The following CACNA2D1 variants were observed in gnomAD, a reference collection of about 807,000 sequenced individuals.
CACNA2D1 encodes the protein calcium voltage-gated channel auxiliary subunit alpha2delta 1.
Under a neutral mutation model 171.5 loss-of-function variants are expected in CACNA2D1, and 53 were observed. The observed-to-expected ratio is 0.31, with a 90% CI of 0.25 to 0.39. The LOEUF (loss-of-function observed/expected upper bound fraction) is 0.39. Ranked by LOEUF, CACNA2D1 falls within the 10% of genes least tolerant of loss-of-function variation. CACNA2D1 has a pLI of 1.00. For missense variants in CACNA2D1, 903 were observed against 1,299.8 expected (o/e 0.69, Z 4.69); for synonymous variants, 442 against 443.1 (o/e 1.00, Z 0.03).
chr7:82,217,764 T>C (rs118050574), intron 3 of CACNA2D1, among the ~76,000 whole-genome samples: 4,042 of 151,150 alleles, frequency 0.027, 97 homozygotes, highest in Middle Eastern at 0.089. Flanking sequence ...AGGGGTAAAA[T>C]ATACCACTAA....
chr7:82,107,585 A>C (rs867893141), intron 6 of CACNA2D1, among the ~76,000 whole-genome samples: 3 of 105,954 alleles, frequency 2.8e-5, no homozygotes, highest in East Asian at 2.9e-4. Context: ...ATGAAAATAA[A>C]CTTTTTTTTT....
chr7:82,068,558 C>G (rs1336208105), intron 7 of CACNA2D1, among the ~76,000 whole-genome samples: 1 of 151,992 alleles, frequency 6.6e-6, no homozygotes, highest in Non-Finnish European at 1.5e-5. Flanking sequence ...CCTCATTACT[C>G]CAATCCCTAC....
At position 81,961,929 on chromosome 7, in the gene CACNA2D1, T is replaced by C. The variant is rs771237530; in HGVS notation, c.2931A>G (p.Ser977=). The change falls in exon 36 of 39, where the codon TCA becomes TCG. Residue 977 remains serine, a synonymous_variant. Transcript: ENST00000356860. ...TQYFFDNDSK[S]FSGVLDCGNC... ...TTCCACAGTCTAATACACCACTGAA[T>C]GATTTACTGTCGTTATCGAAGAAAT... The C allele has an allele frequency of 1.4e-5, 22 of 1,610,950 alleles. No individual in the cohort carries two copies. The East Asian group carries it at 4.7e-4, about 34-fold the overall frequency.
intron 3 of CACNA2D1, among the ~76,000 whole-genome samples, chr7:82,217,386 C>T (rs1398218970): frequency 8.6e-5 from 6 of 69,772 alleles, no homozygotes; most frequent in African/African-American, 2.7e-4. Flanking sequence ...TATACACACA[C>T]ACACATACAT....
intron 3 of CACNA2D1, among the ~76,000 whole-genome samples, chr7:82,255,181 C>T (rs902307431): frequency 5.3e-5 from 8 of 152,126 alleles, no homozygotes; most frequent in African/African-American, 1.9e-4. Context: ...AAGTTCCAAG[C>T]CTTTCATATC....
chr7:82,298,820 T>C (rs1237323168), intron 3 of CACNA2D1, among the ~76,000 whole-genome samples: 5 of 152,040 alleles, frequency 3.3e-5, no homozygotes, highest in African/African-American at 1.2e-4. Context: ...CTCAGCACTT[T>C]GGGAGGCCGA....
intron 11 of CACNA2D1, among the ~76,000 whole-genome samples, chr7:82,035,753 C>T (rs1425973801): frequency 6.6e-6 from 1 of 152,086 alleles, no homozygotes; most frequent in African/African-American, 2.4e-5. Flanking sequence ...ATGCCAAGAT[C>T]AAGGAAACTC....
chr7:82,140,954 T>TA lies in CACNA2D1; in HGVS notation c.355-4279dup, dbSNP rs1324664679. On this transcript the variant is annotated intron_variant, in intron 4 of 38. Coordinates refer to ENST00000356860, the MANE Select transcript of CACNA2D1 (RefSeq NM_000722.4). ...TAGGCGACAGAGCAAGACTCGTCTCTAAAAAAAAAAAAAAAGAAAAAAAAA... is the reference window on the plus strand; with the variant it reads ...TAGGCGACAGAGCAAGACTCGTCTCTAAAAAAAAAAAAAAAAGAAAAAAAAA... Among the ~76,000 whole-genome samples the TA allele has an allele frequency of 1.9e-3, 174 of 91,662 alleles. 3 individuals carry two copies. The highest frequency in any genetic ancestry group is 3.6e-3 in the African/African-American group (70 of 19,518). The allele number at this position is 91,662 out of a possible 152,430, so 60.1% of individuals were successfully genotyped here. A position where few individuals can be genotyped will look rare whatever the true frequency, so the allele number is the denominator to read the frequency against.
At chr7:82,206,978 T>C (rs1293810343) in intron 3 of CACNA2D1, among the ~76,000 whole-genome samples, 1 of 152,182 alleles carries the variant, frequency 6.6e-6, no homozygotes, top group Non-Finnish European at 1.5e-5. Context: ...TGAATGGAAT[T>C]TAAACATAGT....
At position 82,443,746 on chromosome 7, in the gene CACNA2D1, G is replaced by A. The variant is rs1830690107; in HGVS notation, c.-287C>T. The stretch of plus-strand genomic sequence containing the variant: ...AAGGGCGACTTTGGAAACAGACCTC[G>A]GCGAGCCCGCCGGCGCTCGCGCGCT... On this transcript the variant is annotated 5_prime_UTR_variant, in exon 1 of 39. Coordinates refer to ENST00000356860, the MANE Select transcript of CACNA2D1 (RefSeq NM_000722.4). The A allele has an allele frequency of 2.5e-6, 3 of 1,199,800 alleles. No homozygotes were observed. The highest frequency in any genetic ancestry group is 4.2e-5 in the South Asian group (1 of 23,756). 74.3% of individuals were successfully genotyped at this position (1,199,800 alleles called of 1,614,324 possible).
intron 3 of CACNA2D1, among the ~76,000 whole-genome samples, chr7:82,222,406 T>C (rs1585141064): frequency 6.6e-6 from 1 of 152,196 alleles, no homozygotes; most frequent in African/African-American, 2.4e-5. Context: ...TTCCATACTC[T>C]ATGCTATTAG....
chr7:82,147,940 A>G (rs1446451002), intron 4 of CACNA2D1, among the ~76,000 whole-genome samples: 1 of 152,212 alleles, frequency 6.6e-6, no homozygotes, highest in Non-Finnish European at 1.5e-5. Flanking sequence ...TATGAAATAA[A>G]CATTCACATA....
chr7:82,100,489 T>C (rs1235792972), intron 6 of CACNA2D1, among the ~76,000 whole-genome samples: 1 of 152,138 alleles, frequency 6.6e-6, no homozygotes, highest in East Asian at 1.9e-4. Flanking sequence ...CTGGATGTTA[T>C]TTGTTATGTC....
intron 6 of CACNA2D1, among the ~76,000 whole-genome samples, chr7:82,114,651 G>A (rs185663674): frequency 6.6e-6 from 1 of 151,884 alleles, no homozygotes; most frequent in Admixed American, 6.6e-5. Context: ...AGCTACTCAG[G>A]AGGCTGAAGC....
At chr7:82,377,142 G>T (rs1484135269) in intron 1 of CACNA2D1, among the ~76,000 whole-genome samples, 1 of 152,158 alleles carries the variant, frequency 6.6e-6, no homozygotes, top group African/African-American at 2.4e-5. Context: ...GTGTAAAACT[G>T]CCAGGTTCCA....
At chr7:82,125,493 T>A (rs1474560699) in intron 5 of CACNA2D1, among the ~76,000 whole-genome samples, 2 of 152,196 alleles carry the variant, frequency 1.3e-5, no homozygotes, top group Non-Finnish European at 2.9e-5. Flanking sequence ...AAACTAATGA[T>A]AACTTGAATT....
chr7:82,158,932 T>C (rs528334203), intron 4 of CACNA2D1, among the ~76,000 whole-genome samples: 2 of 152,020 alleles, frequency 1.3e-5, no homozygotes, highest in Non-Finnish European at 2.9e-5. Flanking sequence ...ATAATCAATA[T>C]ATCTCATGTG....
At chr7:82,174,224 A>C (rs931334309) in intron 3 of CACNA2D1, among the ~76,000 whole-genome samples, 1 of 151,920 alleles carries the variant, frequency 6.6e-6, no homozygotes, top group Non-Finnish European at 1.5e-5. Context: ...AGCATAATAT[A>C]GTATCAGACC....
chr7:82,018,154 A>G (rs1800737527), intron 12 of CACNA2D1, among the ~76,000 whole-genome samples: 1 of 152,204 alleles, frequency 6.6e-6, no homozygotes, highest in South Asian at 2.1e-4. Flanking sequence ...GCTTTGACAA[A>G]TATTTTTCAT....
Sources: allele counts gnomAD v4.1 joint callset (sites outside exome capture counted in the v4.1 genomes callset), GRCh38; gene constraint gnomAD v4.1.1; transcripts MANE v1.5; gene names NCBI Gene and HGNC (gene_info 2026-07-23, HGNC 2026-07-21).